The following KCNH5 variants were observed in gnomAD, a reference collection of about 807,000 sequenced individuals.
The protein encoded by KCNH5 is voltage-gated delayed rectifier potassium channel KCNH5.
KCNH5 carries 46 observed loss-of-function variants against 96.1 expected under a neutral mutation model. That is an observed-to-expected ratio of 0.48 (90% CI 0.38 to 0.61). The LOEUF is 0.61. KCNH5 is among the 20% of genes least tolerant of loss of function. KCNH5 has a pLI of 0.00. For synonymous variants in KCNH5, 439 were observed against 449.8 expected, an observed-to-expected ratio of 0.98 and a Z score of 0.30; for missense variants, 907 against 1,225.8, an observed-to-expected ratio of 0.74 and a Z score of 3.88.
chr14:63,021,112 C>T (rs548857797), intron 1 of KCNH5, among the ~76,000 whole-genome samples: 1 of 152,130 alleles, frequency 6.6e-6, no homozygotes, highest in South Asian at 2.1e-4. Context: ...ATAAGCTGTC[C>T]ACTTCATGAC....
intron 10 of KCNH5, among the ~76,000 whole-genome samples, chr14:62,713,829 C>CT (rs1430308171): frequency 6.6e-6 from 1 of 152,228 alleles, no homozygotes; most frequent in Admixed American, 6.5e-5. Context: ...TAGGCCCTCT[C>CT]TACAAGTCCT....
intron 9 of KCNH5, among the ~76,000 whole-genome samples, chr14:62,789,454 G>T (rs1886387024): frequency 6.6e-6 from 1 of 151,866 alleles, no homozygotes; most frequent in South Asian, 2.1e-4. Flanking sequence ...CCAGTAGAGG[G>T]ATATTGAGTC....
chr14:62,749,803 T>C (rs1047205570), intron 10 of KCNH5, among the ~76,000 whole-genome samples: 1 of 152,172 alleles, frequency 6.6e-6, no homozygotes, highest in Non-Finnish European at 1.5e-5. Context: ...TAGAGTTTGA[T>C]TGGCTCTTTC....
chr14:62,791,354 C>A (rs552774261), intron 9 of KCNH5, among the ~76,000 whole-genome samples: 2 of 150,628 alleles, frequency 1.3e-5, no homozygotes, highest in South Asian at 4.2e-4. Flanking sequence ...AAGTAAGTCA[C>A]AAGAAGGAAA....
At chr14:62,819,416 C>A (rs1429064835) in intron 8 of KCNH5, among the ~76,000 whole-genome samples, 2 of 152,050 alleles carry the variant, frequency 1.3e-5, no homozygotes, top group East Asian at 3.9e-4. Context: ...ATAAACAAAT[C>A]CATAGACACA....
chr14:62,950,162 A>G lies in KCNH5; in HGVS notation c.1340T>C (p.Met447Thr). The G allele has an allele frequency of 1.9e-6, 3 of 1,613,966 alleles. No individual in the cohort carries two copies. Among genetic ancestry groups the G allele is most frequent in the Non-Finnish European group, 2.5e-6 (3 of 1,179,912 alleles). ...NIAPTTDVEK[M>T]FSVAMMMVGS... is the part of the protein sequence containing the mutation. ...AACCATCATCATAGCCACCGAAAAC[A>G]TCTTCTCCACATCTGTGGTAGGAGC... Residue 447 changes from methionine to threonine, a missense_variant, in exon 7 of 11, where the codon ATG becomes ACG. Physicochemically the swap from Met to Thr is moderately conservative, Grantham distance 81. This residue lies in a region of KCNH5 where 370 missense variants were observed against 561.3 expected (regional missense o/e 0.66). Transcript: ENST00000322893.
At chr14:62,879,626 G>T (rs1438993014) in intron 7 of KCNH5, among the ~76,000 whole-genome samples, 2 of 152,024 alleles carry the variant, frequency 1.3e-5, no homozygotes, top group African/African-American at 4.8e-5. Flanking sequence ...CAAAAAACTT[G>T]TGCCAATTTT....
At chr14:62,806,420 A>G (rs998163015) in intron 8 of KCNH5, among the ~76,000 whole-genome samples, 9 of 152,056 alleles carry the variant, frequency 5.9e-5, no homozygotes, top group African/African-American at 2.2e-4. Flanking sequence ...CCTGTAACAT[A>G]TTTCTGGCAA....
chr14:62,902,218 TA>T (rs751559346), intron 7 of KCNH5, among the ~76,000 whole-genome samples: 48 of 113,056 alleles, frequency 4.2e-4, no homozygotes, highest in South Asian at 1.2e-3. Context: ...TTAGTTTCAT[TA>T]GTTCCCATGT....
intron 1 of KCNH5, among the ~76,000 whole-genome samples, chr14:63,042,918 G>A (rs1031999578): frequency 9.2e-5 from 14 of 152,098 alleles, no homozygotes; most frequent in Admixed American, 8.5e-4. Context: ...GGGTCTTTGA[G>A]TAGTGGTATT....
At chr14:62,969,344 C>A (rs1890360115) in intron 6 of KCNH5, among the ~76,000 whole-genome samples, 1 of 152,086 alleles carries the variant, frequency 6.6e-6, no homozygotes, top group Admixed American at 6.6e-5. Flanking sequence ...TATACTTTCA[C>A]CTTTGCAAAC....
intron 10 of KCNH5, among the ~76,000 whole-genome samples, chr14:62,719,214 T>G (rs1884752936): frequency 6.6e-6 from 1 of 152,242 alleles, no homozygotes; most frequent in African/African-American, 2.4e-5. Flanking sequence ...ATGGGAACTA[T>G]ACTTCAATAA....
intron 7 of KCNH5, among the ~76,000 whole-genome samples, chr14:62,858,463 T>C (rs1038040015): frequency 6.6e-6 from 1 of 152,208 alleles, no homozygotes; most frequent in South Asian, 2.1e-4. Context: ...AGTAGTAAAC[T>C]AATTTCATCT....
chr14:62,950,117 A>AT lies in KCNH5; in HGVS notation c.1369+15_1369+16insA. On this transcript the variant is annotated intron_variant, in intron 7 of 10. Transcript: ENST00000322893. ...CCAATAACAATAATTTTCAATGAAA[A>AT]AATTAAAATACTTACAGCCAACCAT... 1 of 1,611,270 alleles carries AT rather than the reference A, an allele frequency of 6.2e-7. No individual in the cohort carries two copies. Among genetic ancestry groups the AT allele is most frequent in the East Asian group, 2.2e-5 (1 of 44,762 alleles).
intron 10 of KCNH5, among the ~76,000 whole-genome samples, chr14:62,736,277 C>G (rs955756359): frequency 6.6e-6 from 1 of 152,130 alleles, no homozygotes; most frequent in African/African-American, 2.4e-5. Context: ...GATCATATTA[C>G]TCTTCTATTC....
At chr14:63,016,151 G>GA (rs1045153321) in intron 2 of KCNH5, among the ~76,000 whole-genome samples, 1 of 151,596 alleles carries the variant, frequency 6.6e-6, no homozygotes. Flanking sequence ...TTAACTCACG[G>GA]AAAAAACATC....
intron 6 of KCNH5, among the ~76,000 whole-genome samples, chr14:62,976,392 G>A: frequency 7.7e-6 from 1 of 129,258 alleles, no homozygotes; most frequent in Admixed American, 8.4e-5. Flanking sequence ...GACAGAGCGA[G>A]ACTCCATGTC....
chr14:62,897,192 A>C (rs1888831094), intron 7 of KCNH5, among the ~76,000 whole-genome samples: 1 of 152,136 alleles, frequency 6.6e-6, no homozygotes, highest in South Asian at 2.1e-4. Context: ...GCAAAGTGAA[A>C]ATGACTAAAG....
At chr14:62,957,442 A>G (rs1468883901) in intron 6 of KCNH5, among the ~76,000 whole-genome samples, 2 of 152,188 alleles carry the variant, frequency 1.3e-5, no homozygotes, top group East Asian at 3.8e-4. Context: ...TTGCACCTAC[A>G]CTTTGCATTC....
Sources: allele counts gnomAD v4.1 joint callset (sites outside exome capture counted in the v4.1 genomes callset), GRCh38; gene constraint gnomAD v4.1.1; regional missense constraint gnomAD v4.1.1; transcripts MANE v1.5; gene names NCBI Gene and HGNC (gene_info 2026-07-23, HGNC 2026-07-21).